The following COL24A1 variants were observed in gnomAD, a reference collection of about 807,000 sequenced individuals.
The protein encoded by COL24A1 is collagen type XXIV alpha 1 chain.
In COL24A1, 224 loss-of-function variants were observed where a neutral mutation model predicts 253.9. The ratio of observed to expected loss-of-function variants is 0.88; its 90% confidence interval spans 0.79 to 0.99. The LOEUF is 0.99. Ranked by LOEUF, COL24A1 falls within the 50% of genes least tolerant of loss-of-function variation. The pLI is 0.00. For missense variants in COL24A1, 2,131 were observed against 2,068.5 expected, an observed-to-expected ratio of 1.03 and a Z score of -0.59; for synonymous variants, 685 against 673.7, an observed-to-expected ratio of 1.02 and a Z score of -0.26.
At chr1:85,848,322 T>C (rs1677369892) in intron 38 of COL24A1, among the ~76,000 whole-genome samples, 1 of 152,210 alleles carries the variant, frequency 6.6e-6, no homozygotes, top group Non-Finnish European at 1.5e-5. Flanking sequence ...TGTTGTTGTT[T>C]TTTTTGAGAC....
intron 40 of COL24A1, 31 bp downstream of exon 40, chr1:85,842,309 T>C (rs1328974412): frequency 6.7e-7 from 1 of 1,493,500 alleles, no homozygotes; most frequent in African/African-American, 1.4e-5. Flanking sequence ...TGTTTTCATG[T>C]GAATATATTT....
chr1:85,917,228 G>A (rs759510316), intron 24 of COL24A1, among the ~76,000 whole-genome samples: 10 of 152,150 alleles, frequency 6.6e-5, no homozygotes, highest in African/African-American at 1.9e-4. Flanking sequence ...ATTTTAAAAC[G>A]CATACAATAA....
chr1:85,779,857 ACTTTT>A (rs2101535677), intron 52 of COL24A1, among the ~76,000 whole-genome samples: 1 of 152,262 alleles, frequency 6.6e-6, no homozygotes, highest in African/African-American at 2.4e-5. Flanking sequence ...TTCATAATGA[ACTTTT>A]CTTCTCAGAA....
intron 59 of COL24A1, among the ~76,000 whole-genome samples, chr1:85,734,399 ATATT>A (rs1240305376): frequency 1.2e-4 from 18 of 152,188 alleles, no homozygotes; most frequent in Admixed American, 1.2e-3. Context: ...ACACATGAAA[ATATT>A]TATCCAAATA....
chr1:85,987,052 C>T (rs577534659), intron 20 of COL24A1, among the ~76,000 whole-genome samples: 7 of 151,888 alleles, frequency 4.6e-5, no homozygotes, highest in East Asian at 1.9e-4. Context: ...AGGCCTAGAA[C>T]GTTGCTTTAA....
rs1663878150 is a variant in COL24A1 at position 85,734,844 on chromosome 1, C to T, written c.4903G>A (p.Gly1635Ser). The T allele has an allele frequency of 6.2e-7, 1 of 1,614,152 alleles. No individual in the cohort carries two copies. The highest frequency in any genetic ancestry group is 8.5e-7 in the Non-Finnish European group (1 of 1,180,038). The change falls in exon 59 of 60, where the codon GGC becomes AGC. Residue 1635 changes from glycine (G) to serine (S), a missense_variant. Physicochemically the swap from Gly to Ser is moderately conservative, Grantham distance 56. Transcript: ENST00000370571. ...TTGAAACCAATAGGCAATCCTGGGC[C>T]ACTTGTTTGTGTGCTTGTCCACCTT... ...TPRWTSTQTS[G>S]PGLPIGFKGW...
At chr1:85,965,697 T>C (rs1016822557) in intron 22 of COL24A1, among the ~76,000 whole-genome samples, 2 of 152,006 alleles carry the variant, frequency 1.3e-5, no homozygotes, top group Non-Finnish European at 2.9e-5. Context: ...GAGTTGGCAG[T>C]TTGGTGGCAT....
intron 2 of COL24A1, among the ~76,000 whole-genome samples, chr1:86,133,194 T>A (rs544662601): frequency 1.1e-3 from 163 of 152,276 alleles, no homozygotes; most frequent in African/African-American, 3.7e-3. Flanking sequence ...TTTTTGCACA[T>A]TGATTTTGTA....
chr1:86,138,125 C>G lies in COL24A1; in HGVS notation c.121+7994G>C, dbSNP rs537452859. The stretch of plus-strand genomic sequence containing the variant: ...GTACTTACTGTTCTTTCTTGGGACG[C>G]TTTAAACCCGTGTATTGATTTTAAT... On this transcript the variant is annotated intron_variant, in intron 2 of 59. Transcript: ENST00000370571. 2.6e-5 allele frequency among the ~76,000 whole-genome samples: 4 copies of G among 152,260 alleles called. No individual in the cohort carries two copies. The East Asian group carries it at 7.7e-4, about 29-fold the overall frequency.
intron 28 of COL24A1, among the ~76,000 whole-genome samples, chr1:85,898,831 G>C (rs1299817246): frequency 6.6e-6 from 1 of 152,158 alleles, no homozygotes; most frequent in African/African-American, 2.4e-5. Flanking sequence ...GAGTATCCAA[G>C]GTGGGGAGGA....
intron 37 of COL24A1, among the ~76,000 whole-genome samples, chr1:85,850,360 C>T (rs1404364213): frequency 6.6e-6 from 1 of 152,116 alleles, no homozygotes; most frequent in Admixed American, 6.5e-5. Context: ...TTGTGGTTTA[C>T]CACTGTGCTA....
rs377037059 is a variant in COL24A1 at position 85,987,572 on chromosome 1, T to C, written c.2364+29A>G. The C allele has an allele frequency of 1.6e-5, 25 of 1,586,982 alleles. No homozygotes were observed. In the East Asian group the frequency reaches 2.7e-4, roughly 17 times the overall value. ...CAGGAGCTCTAGATAACCATAATTG[T>C]TTAGTCTCTCTCTTCTTCTTCTTCT... On this transcript the variant is annotated intron_variant, in intron 20 of 59. Coordinates refer to ENST00000370571, the MANE Select transcript of COL24A1 (RefSeq NM_152890.7).
At chr1:85,944,509 A>G (rs1057041956) in intron 24 of COL24A1, among the ~76,000 whole-genome samples, 1 of 152,158 alleles carries the variant, frequency 6.6e-6, no homozygotes, top group African/African-American at 2.4e-5. Context: ...ATATTTTCGG[A>G]TTTGATCTTA....
intron 37 of COL24A1, among the ~76,000 whole-genome samples, chr1:85,858,656 C>CTTCA (rs1558416971): frequency 3.4e-5 from 5 of 149,160 alleles, no homozygotes; most frequent in Admixed American, 1.4e-4. Flanking sequence ...TCCTTCCTTC[C>CTTCA]TTCCTTCCTT....
In COL24A1 at chr1:86,011,576, T is replaced by A. The variant is rs114905115; in HGVS notation, c.2310+5575A>T. ...CCCTGTACTGCAAAGGCAATCCAGC[T>A]CTCCTTCTCTGTTCCAGCTCCTGTG... On this transcript the variant is annotated intron_variant, in intron 19 of 59. Coordinates refer to ENST00000370571, the MANE Select transcript of COL24A1 (RefSeq NM_152890.7). Among the ~76,000 whole-genome samples, 695 of 152,304 alleles carry A rather than the reference T, an allele frequency of 4.6e-3. 9 individuals are homozygous for A. The highest frequency in any genetic ancestry group is 0.015 in the African/African-American group (636 of 41,566).
intron 43 of COL24A1, among the ~76,000 whole-genome samples, chr1:85,830,473 T>C (rs1675072929): frequency 6.6e-6 from 1 of 152,142 alleles, no homozygotes; most frequent in East Asian, 1.9e-4. Flanking sequence ...CCCGGCTGCT[T>C]TGTTTACCTA....
At chr1:86,089,130 G>A (rs58551410) in intron 7 of COL24A1, 44 bp downstream of exon 7, 44 of 1,396,656 alleles carry the variant, frequency 3.2e-5, no homozygotes, top group East Asian at 7.0e-5. Flanking sequence ...ACAAAAAAAA[G>A]AAAAAAAGAA....
At chr1:85,920,983 C>T (rs531813868) in intron 24 of COL24A1, among the ~76,000 whole-genome samples, 1 of 152,160 alleles carries the variant, frequency 6.6e-6, no homozygotes, top group African/African-American at 2.4e-5. Flanking sequence ...GTCAAATAGT[C>T]ATGTTCCAAG....
chr1:85,860,943 CT>C (rs773735757), intron 37 of COL24A1, among the ~76,000 whole-genome samples: 13 of 152,266 alleles, frequency 8.5e-5, no homozygotes, highest in Non-Finnish European at 1.5e-4. Flanking sequence ...TACTTTTTCG[CT>C]CTTATAAATC....
Sources: allele counts gnomAD v4.1 joint callset (sites outside exome capture counted in the v4.1 genomes callset), GRCh38; gene constraint gnomAD v4.1.1; transcripts MANE v1.5; gene names NCBI Gene and HGNC (gene_info 2026-07-23, HGNC 2026-07-21).